The following RTRAF variants were observed in gnomAD, a reference collection of about 807,000 sequenced individuals.
RTRAF encodes RNA transcription, translation and transport factor.
A neutral mutation model predicts 34.4 loss-of-function variants in RTRAF; 14 were observed. The ratio of observed to expected loss-of-function variants is 0.41; its 90% CI spans 0.27 to 0.64. RTRAF has a LOEUF of 0.64. Ranked by LOEUF, RTRAF falls within the 30% of genes least tolerant of loss-of-function variation. RTRAF has a pLI of 0.34. For missense variants in RTRAF, 291 were observed against 288.4 expected (o/e 1.01, Z -0.06); for synonymous variants, 96 against 95.3 (o/e 1.01, Z -0.04).
At position 52,005,665 on chromosome 14, in the gene RTRAF, G is replaced by T; in HGVS notation, c.*1149G>T. The T allele has an allele frequency of 1.4e-6, 2 of 1,393,926 alleles. No individual in the cohort carries two copies. The highest frequency in any genetic ancestry group is 2.0e-6 in the Non-Finnish European group (2 of 980,778). 86.3% of individuals were successfully genotyped at this position (1,393,926 alleles called of 1,614,324 possible). A position where few individuals can be genotyped will look rare whatever the true frequency, so the allele number is the denominator to read the frequency against. On this transcript the variant is annotated 3_prime_UTR_variant, in exon 8 of 8. Coordinates refer to ENST00000261700, the MANE Select transcript of RTRAF (RefSeq NM_016039.3). ...GGTGGCAGTGTCACAGGCAGCAGGGGTAATCAAATACCATATATATCCCTT... is the reference window on the plus strand; with the variant it reads ...GGTGGCAGTGTCACAGGCAGCAGGGTTAATCAAATACCATATATATCCCTT...
Position 52,006,309 on chromosome 14 carries a change from A to T in RTRAF, c.*1793A>T, listed in dbSNP as rs1890779768. 1 of 497,532 alleles carries T rather than the reference A, an allele frequency of 2.0e-6. No individual in the cohort carries two copies. The highest frequency in any genetic ancestry group is 2.4e-5 in the South Asian group (1 of 41,786). The allele number at this position is 497,532 out of a possible 1,614,324, so 30.8% of individuals were successfully genotyped here. ...ATAGCTTTGCTACTTTTTAAGCTAT[A>T]TGTGAGCAATACCATTCGATTTCTG... On this transcript the variant is annotated 3_prime_UTR_variant, in exon 8 of 8. Coordinates refer to ENST00000261700, the MANE Select transcript of RTRAF (RefSeq NM_016039.3).
In RTRAF at chr14:52,005,466, CTTCCTTT is replaced by C; in HGVS notation, c.*951_*957del. ...CAGGTTCTGATTGTAAACTCCAAGT[CTTCCTTT>C]ACATTACTGTACTTACTTTCTTCCT... is the stretch of plus-strand genomic sequence containing the variant. On this transcript the variant is annotated 3_prime_UTR_variant, in exon 8 of 8. Transcript: ENST00000261700. The C allele has an allele frequency of 1.3e-6, 2 of 1,581,442 alleles. No homozygotes were observed. The highest frequency in any genetic ancestry group is 2.4e-5 in the South Asian group (2 of 84,110).
Position 52,008,134 on chromosome 14 carries a change from A to G in RTRAF, c.*3618A>G, listed in dbSNP as rs1000550596. The G allele has an allele frequency of 7.3e-6, 4 of 547,118 alleles. No homozygotes were observed. Among genetic ancestry groups the G allele is most frequent in the East Asian group, 3.1e-5 (1 of 32,070 alleles). The allele number at this position is 547,118 out of a possible 1,614,324, so 33.9% of individuals were successfully genotyped here. ...TCTTGCTTCTTCTAGTGCATAGAGT[A>G]TAGCAGAAGTGATAGGCTATCACTG... On this transcript the variant is annotated 3_prime_UTR_variant, in exon 8 of 8. Transcript: ENST00000261700.
At chr14:51,999,483 T>C in intron 4 of RTRAF, 1 of 393,632 alleles carries the variant, frequency 2.5e-6, no homozygotes, top group Non-Finnish European at 4.6e-6. Flanking sequence ...CATCCTAAGT[T>C]GGGGACCGTC....
chr14:52,001,534 T>G (rs2140330827), intron 5 of RTRAF, among the ~76,000 whole-genome samples: 1 of 152,296 alleles, frequency 6.6e-6, no homozygotes, highest in African/African-American at 2.4e-5. Flanking sequence ...TTTAAAGTTG[T>G]TTTTTACCAG....
intron 6 of RTRAF, among the ~76,000 whole-genome samples, chr14:52,002,716 G>A (rs2140331372): frequency 6.6e-6 from 1 of 152,306 alleles, no homozygotes; most frequent in South Asian, 2.1e-4. Context: ...CTGCAGCAAT[G>A]ATGTTGTAGT....
intron 3 of RTRAF, among the ~76,000 whole-genome samples, chr14:51,994,072 T>C (rs1027952532): frequency 1.3e-5 from 2 of 152,256 alleles, no homozygotes; most frequent in Non-Finnish European, 2.9e-5. Flanking sequence ...TTTGATAATA[T>C]GGTCTGCACC....
Position 52,004,619 on chromosome 14 carries a change from C to A in RTRAF, c.*103C>A. The A allele has an allele frequency of 8.5e-7, 1 of 1,173,850 alleles. No homozygotes were observed. Among genetic ancestry groups the A allele is most frequent in the Non-Finnish European group, 1.2e-6 (1 of 846,742 alleles). 72.7% of individuals were successfully genotyped at this position (1,173,850 alleles called of 1,614,324 possible). A position where few individuals can be genotyped will look rare whatever the true frequency, so the allele number is the denominator to read the frequency against. On this transcript the variant is annotated 3_prime_UTR_variant, in exon 8 of 8. Coordinates refer to ENST00000261700, the MANE Select transcript of RTRAF (RefSeq NM_016039.3). ...TGTCACATTCTCGGGGGAGGAAGCC[C>A]AGAAAATTGGGTATGTTCTAGAGAT... is the stretch of plus-strand genomic sequence containing the variant.
At position 52,001,306 on chromosome 14, in the gene RTRAF, C is replaced by A. The variant is rs558105146; in HGVS notation, c.463-492C>A. ...ATGCCTTGGTGATTAAAACCACCAA[C>A]GGTGTCCTTTGAAAGGTTTGAAAAT... On this transcript the variant is annotated intron_variant, in intron 5 of 7. Coordinates refer to ENST00000261700, the MANE Select transcript of RTRAF (RefSeq NM_016039.3). Among the ~76,000 whole-genome samples, 34 of 152,190 alleles carry A rather than the reference C, an allele frequency of 2.2e-4. No homozygotes were observed. In the South Asian group the frequency reaches 6.9e-3, roughly 31 times the overall value.
intron 3 of RTRAF, 103 bp downstream of exon 3, chr14:51,993,925 T>C (rs1021545129): frequency 6.4e-6 from 4 of 620,642 alleles, no homozygotes; most frequent in Non-Finnish European, 1.1e-5. Context: ...AGTACTATTT[T>C]ACCTTTGGTT....
chr14:52,000,766 A>C (rs1890589149), intron 5 of RTRAF, among the ~76,000 whole-genome samples: 1 of 152,180 alleles, frequency 6.6e-6, no homozygotes, highest in African/African-American at 2.4e-5. Flanking sequence ...CTTGTTCTTT[A>C]TTCCGACAAT....
At position 52,007,177 on chromosome 14, in the gene RTRAF, T is replaced by C. The variant is rs1377590530; in HGVS notation, c.*2661T>C. 1 of 153,580 alleles carries C rather than the reference T, an allele frequency of 6.5e-6. No individual in the cohort carries two copies. Among genetic ancestry groups the C allele is most frequent in the Non-Finnish European group, 1.4e-5 (1 of 69,024 alleles). The allele number at this position is 153,580 out of a possible 1,614,324, so 9.5% of individuals were successfully genotyped here. On this transcript the variant is annotated 3_prime_UTR_variant, in exon 8 of 8. Coordinates refer to ENST00000261700, the MANE Select transcript of RTRAF (RefSeq NM_016039.3). Reference sequence around the variant, plus strand: ...TAAACCATTCAAGAATTTCCAAGTTTCACATTTCTCATGGAGCCGATTTAA... The same window carrying C: ...TAAACCATTCAAGAATTTCCAAGTTCCACATTTCTCATGGAGCCGATTTAA...
rs556975056 is a variant in RTRAF at position 51,995,137 on chromosome 14, C to T, written c.286+1315C>T. The stretch of plus-strand genomic sequence containing the variant: ...ACTCAGCTTTGATTCCTACATGGTA[C>T]CTCTCTTAGCTTCCAATTGATGCTG... On this transcript the variant is annotated intron_variant, in intron 3 of 7. Coordinates refer to ENST00000261700, the MANE Select transcript of RTRAF (RefSeq NM_016039.3). 6.6e-5 allele frequency among the ~76,000 whole-genome samples: 10 copies of T among 152,134 alleles called. No homozygotes were observed. In the East Asian group the frequency reaches 1.9e-3, roughly 29 times the overall value.
Position 52,006,422 on chromosome 14 carries a change from A to G in RTRAF, c.*1906A>G. On this transcript the variant is annotated 3_prime_UTR_variant, in exon 8 of 8. Transcript: ENST00000261700. ...TCTGCCAATGAGGAGGTGATGAAAC[A>G]AAAGCCTCAGAGGGCTTAATGAGTC... 1 of 1,186,466 alleles carries G rather than the reference A, an allele frequency of 8.4e-7. No individual in the cohort carries two copies. 73.5% of individuals were successfully genotyped at this position (1,186,466 alleles called of 1,614,324 possible). A position where few individuals can be genotyped will look rare whatever the true frequency, so the allele number is the denominator to read the frequency against.
In RTRAF at chr14:52,005,902, AAGTC is replaced by A. The variant is rs3841693; in HGVS notation, c.*1393_*1396del. 345,655 of 1,313,268 alleles carry A rather than the reference AAGTC, an allele frequency of 0.26. 53,235 individuals are homozygous for A. The highest frequency in any genetic ancestry group is 0.53 in the East Asian group (22,877 of 43,124). The allele number at this position is 1,313,268 out of a possible 1,614,324, so 81.4% of individuals were successfully genotyped here. ...AGGGACAGTCATTTACTAGATAAAG[AAGTC>A]AGTCAGCCACAGAAAATCAGTTGCA... On this transcript the variant is annotated 3_prime_UTR_variant, in exon 8 of 8. Coordinates refer to ENST00000261700, the MANE Select transcript of RTRAF (RefSeq NM_016039.3).
In RTRAF at chr14:52,007,617, TTCCC is replaced by T; in HGVS notation, c.*3105_*3108del. ...TACAAACTTACTGCTTGATATATCC[TTCCC>T]TCCACCCAAACCCCAGAAAGTTCAT... On this transcript the variant is annotated 3_prime_UTR_variant, in exon 8 of 8. Coordinates refer to ENST00000261700, the MANE Select transcript of RTRAF (RefSeq NM_016039.3). 1 of 595,078 alleles carries T rather than the reference TTCCC, an allele frequency of 1.7e-6. No homozygotes were observed. Among genetic ancestry groups the T allele is most frequent in the East Asian group, 2.9e-5 (1 of 34,750 alleles). The allele number at this position is 595,078 out of a possible 1,614,324, so 36.9% of individuals were successfully genotyped here.
In RTRAF at chr14:52,004,763, A is replaced by AC. The variant is rs1318884181; in HGVS notation, c.*252dup. 2 of 357,368 alleles carry AC rather than the reference A, an allele frequency of 5.6e-6. No homozygotes were observed. Among genetic ancestry groups the AC allele is most frequent in the Non-Finnish European group, 1.0e-5 (2 of 200,614 alleles). 22.1% of individuals were successfully genotyped at this position (357,368 alleles called of 1,614,324 possible). A position where few individuals can be genotyped will look rare whatever the true frequency, so the allele number is the denominator to read the frequency against. ...CTTTGTGGTTAAGGCATATATGCCA[A>AC]CCCCCAGCTTTGTCCTAGAGACAAT... On this transcript the variant is annotated 3_prime_UTR_variant, in exon 8 of 8. Coordinates refer to ENST00000261700, the MANE Select transcript of RTRAF (RefSeq NM_016039.3).
rs575944489 is a variant in RTRAF at position 52,005,061 on chromosome 14, T to G, written c.*545T>G. 1 of 160,800 alleles carries G rather than the reference T, an allele frequency of 6.2e-6. No homozygotes were observed. Among genetic ancestry groups the G allele is most frequent in the South Asian group, 2.0e-4 (1 of 4,988 alleles). 10.0% of individuals were successfully genotyped at this position (160,800 alleles called of 1,614,324 possible). A position where few individuals can be genotyped will look rare whatever the true frequency, so the allele number is the denominator to read the frequency against. On this transcript the variant is annotated 3_prime_UTR_variant, in exon 8 of 8. Coordinates refer to ENST00000261700, the MANE Select transcript of RTRAF (RefSeq NM_016039.3). Reference sequence around the variant, plus strand: ...CTTTCCCATCAGTTCTGCATTGGCTTCTCCAACTGTCAAGGTTTAGGATTA... The same window carrying G: ...CTTTCCCATCAGTTCTGCATTGGCTGCTCCAACTGTCAAGGTTTAGGATTA...
In RTRAF at chr14:52,007,499, A is replaced by G. The variant is rs995540772; in HGVS notation, c.*2983A>G. On this transcript the variant is annotated 3_prime_UTR_variant, in exon 8 of 8. Transcript: ENST00000261700. Reference sequence around the variant, plus strand: ...TAAGTTATAGTGACCCTCTCCCCGCATAAGAATAACTTCACTTAAGTTTGT... The same window carrying G: ...TAAGTTATAGTGACCCTCTCCCCGCGTAAGAATAACTTCACTTAAGTTTGT... 3.0e-6 allele frequency: 1 copy of G among 329,204 alleles called. No individual in the cohort carries two copies. The highest frequency in any genetic ancestry group is 2.2e-5 in the African/African-American group (1 of 45,134). 20.4% of individuals were successfully genotyped at this position (329,204 alleles called of 1,614,324 possible). A position where few individuals can be genotyped will look rare whatever the true frequency, so the allele number is the denominator to read the frequency against.
Sources: allele counts gnomAD v4.1 joint callset (sites outside exome capture counted in the v4.1 genomes callset), GRCh38; gene constraint gnomAD v4.1.1; transcripts MANE v1.5; gene names NCBI Gene and HGNC (gene_info 2026-07-23, HGNC 2026-07-21).